PKD1L3: variants seen among roughly 807,000 people sequenced by gnomAD.
PKD1L3 encodes the protein polycystin-1-like protein 3.
Under a neutral mutation model 184.1 loss-of-function variants are expected in PKD1L3, and 239 were observed. The observed-to-expected ratio is 1.30, with a 90% CI of 1.17 to 1.45. The LOEUF (loss-of-function observed/expected upper bound fraction) is 1.45. Among genes scored for constraint, PKD1L3 ranks in the 40% most tolerant of loss-of-function variants. The pLI, the probability that PKD1L3 is intolerant of heterozygous loss-of-function variation, is 0.00. For synonymous variants in PKD1L3, 996 were observed against 778.8 expected, an observed-to-expected ratio of 1.28 and a Z score of -4.64; for missense variants, 2,660 against 2,067.2, an observed-to-expected ratio of 1.29 and a Z score of -5.56.
At chr16:71,988,884 A>G (rs957897249) in intron 4 of PKD1L3, among the ~76,000 whole-genome samples, 6 of 152,228 alleles carry the variant, frequency 3.9e-5, no homozygotes, top group African/African-American at 1.2e-4. Context: ...GGCTTAAAAG[A>G]TAAGCGTTAT....
rs570796575 is a variant in PKD1L3, at chr16:71,963,151, T to G, written c.2612+54A>C. ...TAAAAACAATTCAATCGTGAACAAT[T>G]CAATTAATAGTGAACATCAATATTC... On this transcript the variant is annotated intron_variant, in intron 16 of 29. Coordinates refer to ENST00000620267, the MANE Select transcript of PKD1L3 (RefSeq NM_181536.2). The G allele has an allele frequency of 7.6e-6, 11 of 1,442,808 alleles. No homozygotes were observed. In the South Asian group the frequency reaches 1.1e-4, roughly 15 times the overall value. The allele number at this position is 1,442,808 out of a possible 1,614,324, so 89.4% of individuals were successfully genotyped here.
Position 71,977,230 on chromosome 16 carries a change from T to C in PKD1L3, c.1759+6A>G, listed in dbSNP as rs760034425. ...AGTAAGTTTCTGACAGCTGATTGGG[T>C]TTTACCTTTTTGCCACACCTTATCC... is the stretch of plus-strand genomic sequence containing the variant. On this transcript the variant is annotated splice_donor_region_variant and intron_variant, in intron 11 of 29. Transcript: ENST00000620267. 21 of 1,506,344 alleles carry C rather than the reference T, an allele frequency of 1.4e-5. No homozygotes were observed. The South Asian group carries it at 2.4e-4, about 17-fold the overall frequency. The allele number at this position is 1,506,344 out of a possible 1,614,324, so 93.3% of individuals were successfully genotyped here.
intron 5 of PKD1L3, among the ~76,000 whole-genome samples, chr16:71,985,387 G>C (rs909544101): frequency 5.3e-5 from 8 of 152,054 alleles, no homozygotes; most frequent in Admixed American, 4.6e-4. Flanking sequence ...GAGGGAAGCA[G>C]GATTATTTTC....
chr16:71,930,558 A>G (rs544297215), intron 28 of PKD1L3: 1 of 160,374 alleles, frequency 6.2e-6, no homozygotes, highest in Admixed American at 6.3e-5. Flanking sequence ...ATGAGAATGC[A>G]CACTGTCTCT....
intron 16 of PKD1L3, among the ~76,000 whole-genome samples, chr16:71,959,311 G>A (rs981694886): frequency 2.6e-5 from 4 of 152,022 alleles, no homozygotes; most frequent in Non-Finnish European, 4.4e-5. Context: ...TCAGGAGGCT[G>A]AGGCAGGAGA....
At chr16:71,959,145 C>T (rs2143483947) in intron 16 of PKD1L3, among the ~76,000 whole-genome samples, 1 of 150,610 alleles carries the variant, frequency 6.6e-6, no homozygotes, top group Non-Finnish European at 1.5e-5. Flanking sequence ...GGCACGGTGG[C>T]CCTCACCTGT....
chr16:71,946,001 C>G (rs1305887307), intron 22 of PKD1L3, among the ~76,000 whole-genome samples: 1 of 152,148 alleles, frequency 6.6e-6, no homozygotes, highest in African/African-American at 2.4e-5. Context: ...TCTTGTCACC[C>G]AGGCTGGAGT....
chr16:71,982,217 G>A lies in PKD1L3; in HGVS notation c.985C>T (p.Leu329Phe). 1 of 1,543,060 alleles carries A rather than the reference G, an allele frequency of 6.5e-7. No homozygotes were observed. The highest frequency in any genetic ancestry group is 8.7e-7 in the Non-Finnish European group (1 of 1,143,182). ...KPAQVNLINS[L>F]IYLSEELLRI... ...AGTAACTCCTCACTCAGGTAAATAAGGGAATTGATGAGATTAACCTGGGAG... is the reference window on the plus strand; with the variant it reads ...AGTAACTCCTCACTCAGGTAAATAAAGGAATTGATGAGATTAACCTGGGAG... Residue 329 changes from leucine (L) to phenylalanine (F), a missense_variant, in exon 7 of 30, where the codon CTT becomes TTT. Coordinates refer to ENST00000620267, the MANE Select transcript of PKD1L3 (RefSeq NM_181536.2).
chr16:71,978,538 C>T (rs80161627), intron 9 of PKD1L3, among the ~76,000 whole-genome samples, 155 bp from the exon 10 acceptor site: 1 of 90,760 alleles, frequency 1.1e-5, no homozygotes, highest in Non-Finnish European at 2.1e-5. Flanking sequence ...TACATACATA[C>T]ATACTTTTTT....
chr16:71,952,175 G>A (rs930126133), intron 18 of PKD1L3, among the ~76,000 whole-genome samples: 4 of 147,712 alleles, frequency 2.7e-5, no homozygotes, highest in African/African-American at 7.5e-5. Context: ...CTTCCACTGC[G>A]TGGGGAAAGG....
At chr16:71,981,578 G>T (rs1478921045) in intron 7 of PKD1L3, among the ~76,000 whole-genome samples, 2 of 137,476 alleles carry the variant, frequency 1.5e-5, no homozygotes, top group Non-Finnish European at 1.5e-5. Context: ...ATCTCGCTCT[G>T]TTGTCTGGGC....
At chr16:71,991,718 G>C (rs981651977) in intron 3 of PKD1L3, among the ~76,000 whole-genome samples, 1 of 152,170 alleles carries the variant, frequency 6.6e-6, no homozygotes, top group Non-Finnish European at 1.5e-5. Flanking sequence ...TACATACGTA[G>C]GATATTCTTG....
intron 16 of PKD1L3, among the ~76,000 whole-genome samples, chr16:71,957,934 G>A (rs1042809151): frequency 6.6e-6 from 1 of 152,234 alleles, no homozygotes; most frequent in Admixed American, 6.5e-5. Flanking sequence ...TACAAGCCAA[G>A]TGGAAGTGTT....
At chr16:71,980,376 G>A (rs766180605) in intron 7 of PKD1L3, among the ~76,000 whole-genome samples, 3 of 152,140 alleles carry the variant, frequency 2.0e-5, no homozygotes, top group Non-Finnish European at 4.4e-5. Context: ...TCATATAATT[G>A]CCCTAGACCT....
intron 2 of PKD1L3, among the ~76,000 whole-genome samples, chr16:71,993,712 G>A (rs17664900): frequency 0.084 from 12,857 of 152,218 alleles, 735 homozygotes; most frequent in Middle Eastern, 0.13. Flanking sequence ...CATACTAAGC[G>A]TAATATTCTC....
chr16:71,941,874 G>A (rs967635886), intron 24 of PKD1L3, among the ~76,000 whole-genome samples: 3 of 150,724 alleles, frequency 2.0e-5, no homozygotes, highest in Non-Finnish European at 4.4e-5. Context: ...ATGAGCCACC[G>A]TGCCCGACCT....
In PKD1L3 at chr16:71,967,227, A is replaced by G; in HGVS notation, c.2375T>C (p.Leu792Pro). 3 of 1,551,678 alleles carry G rather than the reference A, an allele frequency of 1.9e-6. No homozygotes were observed. The highest frequency in any genetic ancestry group is 2.4e-5 in the East Asian group (1 of 40,924). The change falls in exon 15 of 30, where the codon CTG (leucine) becomes CCG (proline). Residue 792 changes from leucine to proline, a missense_variant. Coordinates refer to ENST00000620267, the MANE Select transcript of PKD1L3 (RefSeq NM_181536.2). Reference sequence around the variant, plus strand: ...CCAAGTGGTGAGAAGGAAGACATCCAGGCCCCCTCGTTCAAAGACTGTCTT... The same window carrying G: ...CCAAGTGGTGAGAAGGAAGACATCCGGGCCCCCTCGTTCAAAGACTGTCTT... ...PQKTVFERGG[L>P]DVFLLTTWTS...
At chr16:71,989,574 T>C (rs2040508746) in intron 4 of PKD1L3, among the ~76,000 whole-genome samples, 1 of 152,382 alleles carries the variant, frequency 6.6e-6, no homozygotes, top group Non-Finnish European at 1.5e-5. Flanking sequence ...GCAAGAATGC[T>C]GAGAGATTTC....
intron 11 of PKD1L3, 58 bp from the exon 12 acceptor site, chr16:71,973,575 C>T: frequency 7.1e-7 from 1 of 1,400,534 alleles, no homozygotes; most frequent in South Asian, 1.3e-5. Flanking sequence ...CACCAATGAA[C>T]CTCTCTTCTA....
Sources: allele counts gnomAD v4.1 joint callset (sites outside exome capture counted in the v4.1 genomes callset), GRCh38; gene constraint gnomAD v4.1.1; transcripts MANE v1.5; gene names NCBI Gene and HGNC (gene_info 2026-07-23, HGNC 2026-07-21).